KCNMA1: variants seen among roughly 807,000 people sequenced by gnomAD.
KCNMA1 encodes potassium calcium-activated channel subfamily M alpha 1.
KCNMA1 carries 29 observed loss-of-function variants against 140.0 expected under a neutral mutation model. That is an observed-to-expected ratio of 0.21 (90% confidence interval 0.15 to 0.28). The LOEUF is 0.28. Ranked by LOEUF, KCNMA1 falls within the 10% of genes least tolerant of loss-of-function variation. KCNMA1 has a pLI of 1.00. For synonymous variants in KCNMA1, 612 were observed against 611.9 expected, an observed-to-expected ratio of 1.00 and a Z score of 0.00; for missense variants, 880 against 1,602.2, an observed-to-expected ratio of 0.55 and a Z score of 7.70.
chr10:77,193,209 T>C (rs1030670974), intron 3 of KCNMA1, among the ~76,000 whole-genome samples: 1 of 152,198 alleles, frequency 6.6e-6, no homozygotes, highest in Non-Finnish European at 1.5e-5. Flanking sequence ...TTTGGAATGA[T>C]GTCCAAGACA....
At chr10:77,410,482 G>A (rs368477609) in intron 1 of KCNMA1, among the ~76,000 whole-genome samples, 21 of 152,204 alleles carry the variant, frequency 1.4e-4, no homozygotes, top group Non-Finnish European at 2.1e-4. Context: ...GTTTAACTAC[G>A]TGTCAGTTCT....
intron 20 of KCNMA1, among the ~76,000 whole-genome samples, chr10:76,960,546 A>C (rs755962969): frequency 8.4e-4 from 77 of 92,148 alleles, no homozygotes; most frequent in Non-Finnish European, 1.8e-3. Flanking sequence ...CTAAAAAAAA[A>C]AGAAGAAGAA....
At chr10:77,268,896 C>G (rs1307336860) in intron 2 of KCNMA1, among the ~76,000 whole-genome samples, 1 of 152,140 alleles carries the variant, frequency 6.6e-6, no homozygotes, top group Non-Finnish European at 1.5e-5. Flanking sequence ...AGTGACTGAA[C>G]AAAAGCAGTC....
chr10:77,637,367 G>A lies in KCNMA1; in HGVS notation c.276C>T (p.Ala92=). The A allele has an allele frequency of 6.2e-7, 1 of 1,613,976 alleles. No individual in the cohort carries two copies. The highest frequency in any genetic ancestry group is 8.5e-7 in the Non-Finnish European group (1 of 1,179,976). ...CCCCGAAGAAAGTCACCATGGAGGAGGCCAGGAAAGCCCACCACATGCGTT... is the reference window on the plus strand; with the variant it reads ...CCCCGAAGAAAGTCACCATGGAGGAAGCCAGGAAAGCCCACCACATGCGTT... The part of the protein sequence containing the change: ...RGQRMWWAFL[A]SSMVTFFGGL... The change falls in exon 1 of 28, where the codon GCC becomes GCT. Residue 92 remains alanine, a synonymous_variant. Transcript: ENST00000286628.
intron 23 of KCNMA1, among the ~76,000 whole-genome samples, chr10:76,940,248 T>C (rs560753909): frequency 6.6e-6 from 1 of 152,300 alleles, no homozygotes; most frequent in African/African-American, 2.4e-5. Context: ...TCAGAAAGTG[T>C]CTGGTCCAGA....
intron 2 of KCNMA1, among the ~76,000 whole-genome samples, chr10:77,255,340 C>T (rs2060496821): frequency 6.6e-6 from 1 of 152,104 alleles, no homozygotes; most frequent in African/African-American, 2.4e-5. Context: ...TGGCTCATGC[C>T]TGTAATCCCA....
chr10:76,949,166 G>A lies in KCNMA1; in HGVS notation c.2685C>T (p.Asn895=), dbSNP rs2065324722. 1.2e-6 allele frequency: 2 copies of A among 1,613,864 alleles called. No individual in the cohort carries two copies. The highest frequency in any genetic ancestry group is 4.5e-5 in the East Asian group (2 of 44,884). The part of the protein sequence containing the change: ...YLKREWETLH[N]FPKVSILPGT... The stretch of plus-strand genomic sequence containing the variant: ...CAGGCAATATGGACACTTTGGGGAA[G>A]TTATGAAGCGTCTCCCATTCCCGCT... Residue 895 remains asparagine, a synonymous_variant, in exon 22 of 28, where the codon AAC becomes AAT. Coordinates refer to ENST00000286628, the MANE Select transcript of KCNMA1 (RefSeq NM_001161352.2).
intron 23 of KCNMA1, among the ~76,000 whole-genome samples, chr10:76,942,813 G>A (rs2152857770): frequency 6.6e-6 from 1 of 152,230 alleles, no homozygotes; most frequent in African/African-American, 2.4e-5. Flanking sequence ...GTACTTAAAG[G>A]GAGAATCATT....
intron 15 of KCNMA1, 122 bp from the exon 16 acceptor site, chr10:77,028,013 C>G (rs1226913336): frequency 9.2e-6 from 8 of 865,736 alleles, no homozygotes; most frequent in South Asian, 6.9e-5. Flanking sequence ...CTCATTCCAC[C>G]GGCACTGTGC....
intron 1 of KCNMA1, among the ~76,000 whole-genome samples, chr10:77,532,857 T>C (rs1414336746): frequency 2.6e-5 from 4 of 152,178 alleles, no homozygotes; most frequent in Admixed American, 2.6e-4. Context: ...ATTGGCTCTA[T>C]GAGAGACTAA....
intron 9 of KCNMA1, 178 bp from the exon 10 acceptor site, chr10:77,090,688 G>A (rs1215805779): frequency 3.2e-6 from 2 of 626,776 alleles, no homozygotes; most frequent in Admixed American, 4.9e-5. Context: ...AGCGGTGCTA[G>A]CAGGTGCTGA....
At chr10:77,142,460 G>A (rs1438277216) in intron 5 of KCNMA1, among the ~76,000 whole-genome samples, 4 of 152,114 alleles carry the variant, frequency 2.6e-5, no homozygotes. Context: ...GTATGTGTAT[G>A]TTACATAAAT....
chr10:77,099,658 G>A (rs1211916311), intron 9 of KCNMA1, among the ~76,000 whole-genome samples: 1 of 150,702 alleles, frequency 6.6e-6, no homozygotes, highest in Non-Finnish European at 1.5e-5. Context: ...AGGTTGTGGT[G>A]AGCCAAGATT....
chr10:77,221,220 T>C (rs1458306218), intron 3 of KCNMA1, among the ~76,000 whole-genome samples: 1 of 152,178 alleles, frequency 6.6e-6, no homozygotes, highest in Non-Finnish European at 1.5e-5. Context: ...CCCAGTCTCT[T>C]TATTCCTGAA....
intron 1 of KCNMA1, among the ~76,000 whole-genome samples, chr10:77,467,747 C>T (rs1372705412): frequency 1.3e-5 from 2 of 151,334 alleles, no homozygotes; most frequent in East Asian, 2.0e-4. Flanking sequence ...AGCAGGGCCA[C>T]TTGGCCACTC....
intron 20 of KCNMA1, among the ~76,000 whole-genome samples, chr10:76,962,351 G>A (rs891533510): frequency 1.2e-4 from 18 of 152,310 alleles, no homozygotes; most frequent in African/African-American, 4.1e-4. Flanking sequence ...GAGACCTCAT[G>A]TCTTATCACA....
At chr10:77,295,755 TC>T (rs1415208227) in intron 2 of KCNMA1, among the ~76,000 whole-genome samples, 38 of 112,458 alleles carry the variant, frequency 3.4e-4, no homozygotes, top group African/African-American at 1.2e-3. Context: ...CAGTCCACAG[TC>T]CGGCCTGGGC....
chr10:77,186,105 G>T (rs954850122), intron 3 of KCNMA1, among the ~76,000 whole-genome samples: 1 of 152,172 alleles, frequency 6.6e-6, no homozygotes, highest in African/African-American at 2.4e-5. Context: ...ACAACGCTTG[G>T]CTGTTCAACA....
At chr10:77,631,122 A>C (rs1419505607) in intron 1 of KCNMA1, among the ~76,000 whole-genome samples, 2 of 149,244 alleles carry the variant, frequency 1.3e-5, no homozygotes, top group Non-Finnish European at 1.5e-5. Flanking sequence ...AAAAAAAAAA[A>C]AAAAAAAGTT....
Sources: gnomAD v4.1 joint callset for allele counts (sites outside exome capture counted in the v4.1 genomes callset) on GRCh38, gnomAD v4.1.1 for gene constraint, MANE v1.5 for transcripts, NCBI Gene and HGNC (gene_info 2026-07-23, HGNC 2026-07-21) for gene names.